The following GPC5 variants were observed in gnomAD, a reference collection of about 807,000 sequenced individuals.
GPC5 encodes the protein glypican-5.
GPC5 carries 47 observed loss-of-function variants against 53.9 expected under a neutral mutation model. That is an observed-to-expected ratio of 0.87 (90% confidence interval 0.69 to 1.11). The LOEUF (loss-of-function observed/expected upper bound fraction) is 1.11. Among genes scored for constraint, GPC5 ranks in the 50% most tolerant of loss-of-function variants. The pLI is 0.00. For missense variants in GPC5, 748 were observed against 713.1 expected (o/e 1.05, Z -0.56); for synonymous variants, 286 against 263.3 (o/e 1.09, Z -0.84).
intron 5 of GPC5, among the ~76,000 whole-genome samples, chr13:91,758,812 C>T (rs545620737): frequency 6.6e-6 from 1 of 152,116 alleles, no homozygotes; most frequent in African/African-American, 2.4e-5. Context: ...TCCAGTCTTT[C>T]GTGAACAAGC....
chr13:92,158,829 TC>T (rs1349892363), intron 7 of GPC5, among the ~76,000 whole-genome samples: 2 of 152,206 alleles, frequency 1.3e-5, no homozygotes, highest in African/African-American at 4.8e-5. Flanking sequence ...AGAGCGGTCC[TC>T]TAAGGAGAGG....
intron 7 of GPC5, among the ~76,000 whole-genome samples, chr13:92,188,317 A>C (rs2042198867): frequency 6.6e-6 from 1 of 152,198 alleles, no homozygotes; most frequent in African/African-American, 2.4e-5. Context: ...GCTCAACTTG[A>C]TTATATTTTA....
intron 7 of GPC5, among the ~76,000 whole-genome samples, chr13:92,658,321 G>A (rs1349224886): frequency 6.6e-6 from 1 of 152,174 alleles, no homozygotes; most frequent in African/African-American, 2.4e-5. Context: ...ATTATGAAGC[G>A]CAAGACACAA....
chr13:92,088,744 A>G (rs1216909615), intron 6 of GPC5, among the ~76,000 whole-genome samples: 1 of 152,152 alleles, frequency 6.6e-6, no homozygotes, highest in Admixed American at 6.5e-5. Context: ...ATGATATTAG[A>G]GGTTTTATAA....
chr13:91,571,745 A>G (rs2031792609), intron 2 of GPC5, among the ~76,000 whole-genome samples: 2 of 146,374 alleles, frequency 1.4e-5, no homozygotes, highest in Admixed American at 6.8e-5. Flanking sequence ...ATATGTATAT[A>G]TACACACATA....
intron 6 of GPC5, among the ~76,000 whole-genome samples, chr13:92,087,813 G>C (rs997684830): frequency 2.6e-5 from 4 of 152,094 alleles, no homozygotes; most frequent in African/African-American, 9.7e-5. Flanking sequence ...GATTGAGGTA[G>C]AATGACATAA....
At chr13:92,289,909 T>A (rs562704224) in intron 7 of GPC5, among the ~76,000 whole-genome samples, 1 of 152,152 alleles carries the variant, frequency 6.6e-6, no homozygotes, top group Non-Finnish European at 1.5e-5. Flanking sequence ...CTAACAAATA[T>A]CCATTCTAAA....
At chr13:92,548,338 G>T (rs1882197592) in intron 7 of GPC5, among the ~76,000 whole-genome samples, 1 of 151,182 alleles carries the variant, frequency 6.6e-6, no homozygotes, top group African/African-American at 2.4e-5. Context: ...TTATCAAAAT[G>T]ACATGAATGG....
At chr13:92,305,202 G>A (rs934699723) in intron 7 of GPC5, among the ~76,000 whole-genome samples, 6 of 152,002 alleles carry the variant, frequency 3.9e-5, no homozygotes, top group African/African-American at 7.2e-5. Flanking sequence ...ACACATCACC[G>A]TCCCTTCAAA....
intron 7 of GPC5, among the ~76,000 whole-genome samples, chr13:92,834,369 A>T (rs1878154450): frequency 6.6e-6 from 1 of 152,186 alleles, no homozygotes; most frequent in South Asian, 2.1e-4. Flanking sequence ...CCACTGTTTT[A>T]TCCCAATGGG....
chr13:92,242,562 C>T (rs1275193065), intron 7 of GPC5, among the ~76,000 whole-genome samples: 1 of 151,712 alleles, frequency 6.6e-6, no homozygotes, highest in Non-Finnish European at 1.5e-5. Context: ...AAAAGCTATC[C>T]AGCTACTATG....
At chr13:91,949,778 T>C (rs1013216588) in intron 6 of GPC5, among the ~76,000 whole-genome samples, 10 of 152,090 alleles carry the variant, frequency 6.6e-5, no homozygotes, top group African/African-American at 2.2e-4. Flanking sequence ...ATAAAATTAA[T>C]GTACCTGCAT....
chr13:92,131,752 T>A (rs547555470), intron 6 of GPC5, among the ~76,000 whole-genome samples: 28 of 152,122 alleles, frequency 1.8e-4, no homozygotes, highest in Admixed American at 7.9e-4. Context: ...TGATTTTTTT[T>A]ATCTAAGTTT....
At chr13:91,853,780 G>T (rs570159693) in intron 5 of GPC5, among the ~76,000 whole-genome samples, 23 of 152,020 alleles carry the variant, frequency 1.5e-4, no homozygotes, top group African/African-American at 5.5e-4. Context: ...AGTCATTCAA[G>T]AAATTTATAC....
chr13:91,878,608 G>T (rs1217249850), intron 5 of GPC5, among the ~76,000 whole-genome samples: 1 of 152,082 alleles, frequency 6.6e-6, no homozygotes. Flanking sequence ...TCATGGGGGT[G>T]GTTGTCCCTA....
intron 7 of GPC5, among the ~76,000 whole-genome samples, chr13:92,243,490 T>C (rs1444899407): frequency 6.6e-6 from 1 of 152,126 alleles, no homozygotes; most frequent in Non-Finnish European, 1.5e-5. Flanking sequence ...TTATTGTCAA[T>C]AGAAACTGAA....
intron 1 of GPC5, among the ~76,000 whole-genome samples, chr13:91,410,564 T>G (rs1330198634): frequency 6.6e-6 from 1 of 151,590 alleles, no homozygotes; most frequent in Non-Finnish European, 1.5e-5. Context: ...GCCAGGATGG[T>G]CTCGATCTCC....
chr13:92,080,930 G>T (rs1463932648), intron 6 of GPC5, among the ~76,000 whole-genome samples: 2 of 152,126 alleles, frequency 1.3e-5, no homozygotes, highest in Non-Finnish European at 2.9e-5. Context: ...CAGCGCTTGA[G>T]CACAACTTAT....
intron 7 of GPC5, among the ~76,000 whole-genome samples, chr13:92,594,120 C>T (rs1269044801): frequency 1.3e-5 from 2 of 152,040 alleles, no homozygotes; most frequent in African/African-American, 4.8e-5. Context: ...ATCCAGATTG[C>T]CAGAAAGATA....
Sources: allele counts gnomAD v4.1 joint callset (sites outside exome capture counted in the v4.1 genomes callset), GRCh38; gene constraint gnomAD v4.1.1; transcripts MANE v1.5; gene names NCBI Gene and HGNC (gene_info 2026-07-23, HGNC 2026-07-21).